ELF1: variants seen among roughly 807,000 people sequenced by gnomAD.
ELF1 encodes the protein ETS-related transcription factor Elf-1.
ELF1 carries 24 observed loss-of-function variants against 59.9 expected under a neutral mutation model. The ratio of observed to expected loss-of-function variants is 0.40; its 90% CI spans 0.29 to 0.56. The LOEUF is 0.56. ELF1 is among the 20% of genes least tolerant of loss of function. The probability of loss-of-function intolerance (pLI) is 0.44; values close to 1 mark genes in which losing one functional copy is unlikely to be tolerated. For missense variants in ELF1, 627 were observed against 742.2 expected, an observed-to-expected ratio of 0.84 and a Z score of 1.80; for synonymous variants, 248 against 266.2, an observed-to-expected ratio of 0.93 and a Z score of 0.67.
intron 1 of ELF1, among the ~76,000 whole-genome samples, chr13:41,002,608 T>TAAAA (rs1874524933): frequency 7.0e-6 from 1 of 143,250 alleles, no homozygotes. Flanking sequence ...AAAAGGCAAG[T>TAAAA]CCCATCTCAA....
In ELF1 at chr13:40,940,951, T is replaced by C. The variant is rs1870118503; in HGVS notation, c.1226A>G (p.Glu409Gly). 6.2e-7 allele frequency: 1 copy of C among 1,613,582 alleles called. No individual in the cohort carries two copies. Among genetic ancestry groups the C allele is most frequent in the Non-Finnish European group, 8.5e-7 (1 of 1,179,864 alleles). Residue 409 changes from glutamate (E) to glycine (G), a missense_variant, in exon 8 of 9, where the codon GAA (glutamate) becomes GGA (glycine). This residue lies in a region of ELF1 where 361 missense variants were observed against 396.1 expected (regional missense o/e 0.91). Transcript: ENST00000239882. ...ACTCTGAACGGAAGAATTTAATGTTTCATCCTGCATGGTACTGGTTCTAGC... is the reference window on the plus strand; with the variant it reads ...ACTCTGAACGGAAGAATTTAATGTTCCATCCTGCATGGTACTGGTTCTAGC... ...EAARTSTMQD[E>G]TLNSSVQSIR... is the part of the protein sequence containing the mutation.
At chr13:40,943,973 G>A (rs1483724127) in intron 5 of ELF1, 48 bp from the exon 6 acceptor site, 3 of 1,560,180 alleles carry the variant, frequency 1.9e-6, no homozygotes, top group African/African-American at 2.7e-5. Flanking sequence ...AAAAGTGAGA[G>A]AAAATGGACA....
intron 1 of ELF1, chr13:40,992,884 C>G: frequency 1.6e-6 from 1 of 606,290 alleles, no homozygotes; most frequent in Non-Finnish European, 2.9e-6. Context: ...CAAGACTGAC[C>G]TCTTTTGGTG....
At chr13:41,006,660 T>G (rs911879112) in intron 1 of ELF1, among the ~76,000 whole-genome samples, 1 of 152,196 alleles carries the variant, frequency 6.6e-6, no homozygotes, top group Non-Finnish European at 1.5e-5. Flanking sequence ...GATCTACAGA[T>G]CAAAGGATCA....
chr13:41,048,017 G>T (rs965360608), intron 1 of ELF1, among the ~76,000 whole-genome samples: 1 of 152,202 alleles, frequency 6.6e-6, no homozygotes, highest in Non-Finnish European at 1.5e-5. Flanking sequence ...CTTGCAGTTC[G>T]ATCTCAGACT....
intron 1 of ELF1, among the ~76,000 whole-genome samples, chr13:41,005,488 A>G (rs1348995988): frequency 6.6e-6 from 1 of 151,490 alleles, no homozygotes; most frequent in African/African-American, 2.4e-5. Flanking sequence ...CAAAAAAAAA[A>G]CAACCTTTAA....
At position 40,955,238 on chromosome 13, in the gene ELF1, G is replaced by A. The variant is rs370220946; in HGVS notation, c.253+3598C>T. 9.8e-4 allele frequency among the ~76,000 whole-genome samples: 144 copies of A among 147,174 alleles called. 6 individuals are homozygous for A. In the East Asian group the frequency reaches 0.029, roughly 30 times the overall value. ...AGCCACTCCGTCTGGGAAGTGAGGA[G>A]CATCTCCGCCTGGCAGCCACCCCGT... On this transcript the variant is annotated intron_variant, in intron 3 of 8. Coordinates refer to ENST00000239882, the MANE Select transcript of ELF1 (RefSeq NM_172373.4).
At chr13:40,977,790 A>G (rs1183851996) in intron 2 of ELF1, among the ~76,000 whole-genome samples, 2 of 152,210 alleles carry the variant, frequency 1.3e-5, no homozygotes, top group Admixed American at 6.5e-5. Flanking sequence ...ATCCTATCGG[A>G]TATCAAATCT....
intron 1 of ELF1, among the ~76,000 whole-genome samples, chr13:41,059,532 A>C (rs915513809): frequency 6.6e-6 from 1 of 152,238 alleles, no homozygotes; most frequent in African/African-American, 2.4e-5. Flanking sequence ...GTCTGGGAAC[A>C]CACATACTAA....
intron 1 of ELF1, among the ~76,000 whole-genome samples, chr13:41,031,828 A>G (rs1004706174): frequency 1.3e-5 from 2 of 151,334 alleles, no homozygotes; most frequent in Non-Finnish European, 2.9e-5. Flanking sequence ...CAAAAAAAAA[A>G]AAAAAAAAAA....
intron 2 of ELF1, among the ~76,000 whole-genome samples, chr13:40,973,711 C>T (rs1160502128): frequency 6.6e-6 from 1 of 151,632 alleles, no homozygotes; most frequent in Non-Finnish European, 1.5e-5. Flanking sequence ...ACGTTGCCAA[C>T]TCTATTTCTG....
intron 4 of ELF1, 21 bp downstream of exon 4, chr13:40,951,308 T>C: frequency 1.3e-6 from 2 of 1,573,572 alleles, no homozygotes; most frequent in Non-Finnish European, 8.7e-7. Context: ...TACATAAACA[T>C]AAACAATCAT....
intron 1 of ELF1, among the ~76,000 whole-genome samples, chr13:41,059,907 T>TA (rs1877437447): frequency 6.6e-6 from 1 of 152,234 alleles, no homozygotes; most frequent in Non-Finnish European, 1.5e-5. Context: ...CTCAAAATGT[T>TA]AGACCCTTTG....
intron 2 of ELF1, among the ~76,000 whole-genome samples, chr13:40,959,380 C>CA: frequency 6.6e-6 from 1 of 152,062 alleles, no homozygotes; most frequent in East Asian, 1.9e-4. Context: ...CCTGTAGTCT[C>CA]AGCTACTAGG....
chr13:40,977,128 T>C (rs1454771565), intron 2 of ELF1, among the ~76,000 whole-genome samples: 1 of 152,164 alleles, frequency 6.6e-6, no homozygotes, highest in East Asian at 1.9e-4. Flanking sequence ...CATTAAACTA[T>C]GCCGGCTGTT....
At chr13:41,005,981 G>C (rs1329010901) in intron 1 of ELF1, among the ~76,000 whole-genome samples, 1 of 152,122 alleles carries the variant, frequency 6.6e-6, no homozygotes, top group Non-Finnish European at 1.5e-5. Flanking sequence ...CCAGAGTTTA[G>C]TGCTATTCCA....
intron 2 of ELF1, among the ~76,000 whole-genome samples, chr13:40,965,727 C>T (rs901364084): frequency 6.6e-6 from 1 of 152,170 alleles, no homozygotes; most frequent in Admixed American, 6.5e-5. Context: ...CCTTCCAAAC[C>T]TTCCAAACAC....
intron 1 of ELF1, chr13:40,992,886 C>T (rs536853609): frequency 2.4e-4 from 147 of 613,692 alleles, no homozygotes; most frequent in Non-Finnish European, 3.0e-4. Context: ...AGACTGACCT[C>T]TTTTGGTGAT....
intron 3 of ELF1, among the ~76,000 whole-genome samples, chr13:40,955,494 C>T (rs1400541565): frequency 2.8e-5 from 3 of 106,492 alleles, no homozygotes; most frequent in African/African-American, 1.1e-4. Flanking sequence ...GCCGCCCCTA[C>T]TGGGAAGTGA....
Sources: allele counts gnomAD v4.1 joint callset (sites outside exome capture counted in the v4.1 genomes callset), GRCh38; gene constraint gnomAD v4.1.1; regional missense constraint gnomAD v4.1.1; transcripts MANE v1.5; gene names NCBI Gene and HGNC (gene_info 2026-07-23, HGNC 2026-07-21).